The following PHF21A variants were observed in gnomAD, a reference collection of about 807,000 sequenced individuals.
The protein encoded by PHF21A is BHC80a.
PHF21A carries 11 observed loss-of-function variants against 82.5 expected under a neutral mutation model. The ratio of observed to expected loss-of-function variants is 0.13; its 90% confidence interval spans 0.08 to 0.22. The LOEUF is 0.22. Ranked by LOEUF, PHF21A falls within the 10% of genes least tolerant of loss-of-function variation. The probability of loss-of-function intolerance (pLI) is 1.00; values close to 1 mark genes in which losing one functional copy is unlikely to be tolerated. For synonymous variants in PHF21A, 297 were observed against 302.8 expected, an observed-to-expected ratio of 0.98 and a Z score of 0.20; for missense variants, 579 against 837.8, an observed-to-expected ratio of 0.69 and a Z score of 3.81.
chr11:46,106,266 CAA>C (rs2097151205), intron 1 of PHF21A, among the ~76,000 whole-genome samples: 1 of 151,834 alleles, frequency 6.6e-6, no homozygotes, highest in Non-Finnish European at 1.5e-5. Flanking sequence ...TTCTTTATAC[CAA>C]GTTGTCAATT....
intron 10 of PHF21A, among the ~76,000 whole-genome samples, chr11:45,953,839 T>C (rs1425048518): frequency 6.6e-6 from 1 of 151,950 alleles, no homozygotes; most frequent in Non-Finnish European, 1.5e-5. Context: ...ATGGCTAGAG[T>C]AAATATGAAT....
At chr11:46,076,247 C>T (rs988478217) in intron 6 of PHF21A, among the ~76,000 whole-genome samples, 1 of 152,132 alleles carries the variant, frequency 6.6e-6, no homozygotes, top group African/African-American at 2.4e-5. Context: ...TAACATTTCA[C>T]CGAAGTTTTT....
chr11:46,033,383 G>C (rs1465322992), intron 6 of PHF21A, among the ~76,000 whole-genome samples: 2 of 152,104 alleles, frequency 1.3e-5, no homozygotes, highest in Non-Finnish European at 2.9e-5. Context: ...TTCCACCTCA[G>C]CCTCCCAAAC....
At chr11:45,982,727 T>C (rs1243597689) in intron 6 of PHF21A, among the ~76,000 whole-genome samples, 2 of 152,104 alleles carry the variant, frequency 1.3e-5, no homozygotes, top group Non-Finnish European at 2.9e-5. Flanking sequence ...CTAGCTAACG[T>C]GCAGCATCAG....
At chr11:46,073,855 C>A (rs187284849) in intron 6 of PHF21A, among the ~76,000 whole-genome samples, 61 of 152,284 alleles carry the variant, frequency 4.0e-4, no homozygotes, top group African/African-American at 1.4e-3. Context: ...AAGAAGCTGA[C>A]TTTGAAATCT....
chr11:46,065,554 A>G (rs188485312), intron 6 of PHF21A, among the ~76,000 whole-genome samples: 1 of 152,328 alleles, frequency 6.6e-6, no homozygotes, highest in East Asian at 1.9e-4. Context: ...TTCACTTACT[A>G]TCTTAGCCAC....
chr11:46,024,196 G>C (rs1158671829), intron 6 of PHF21A, among the ~76,000 whole-genome samples: 1 of 152,070 alleles, frequency 6.6e-6, no homozygotes, highest in Non-Finnish European at 1.5e-5. Context: ...ATCACAACCT[G>C]ATCCAGGCAT....
Position 46,095,048 on chromosome 11 carries a change from T to A in PHF21A, c.-236-2825A>T, listed in dbSNP as rs574197924. 1.2e-3 allele frequency among the ~76,000 whole-genome samples: 185 copies of A among 152,324 alleles called. 1 individual carries two copies. Among genetic ancestry groups the A allele is most frequent in the Middle Eastern group, 6.8e-3 (2 of 294 alleles). ...CTTGGAAGAGGGTCCACGGCTTTAA[T>A]TGGTTTCACAATGAGGTTCACATAC... On this transcript the variant is annotated intron_variant, in intron 1 of 18. Coordinates refer to ENST00000676320, the MANE Select transcript of PHF21A (RefSeq NM_001352027.3).
At chr11:46,117,606 C>G (rs1481654754) in intron 1 of PHF21A, among the ~76,000 whole-genome samples, 3 of 152,174 alleles carry the variant, frequency 2.0e-5, no homozygotes, top group Non-Finnish European at 2.9e-5. Flanking sequence ...CACTATACCC[C>G]TTTCCAAAAT....
intron 1 of PHF21A, among the ~76,000 whole-genome samples, chr11:46,096,774 A>T (rs1259265514): frequency 6.6e-6 from 1 of 152,102 alleles, no homozygotes; most frequent in Admixed American, 6.6e-5. Flanking sequence ...GGCAATTCCC[A>T]ATGTTTATCT....
intron 18 of PHF21A, 102 bp from the exon 19 acceptor site, chr11:45,934,327 G>T: frequency 8.4e-7 from 1 of 1,183,752 alleles, no homozygotes; most frequent in African/African-American, 1.5e-5. Context: ...GGGAGAAGAA[G>T]CTCTGCTGGC....
chr11:45,945,335 T>C (rs1023017713), intron 15 of PHF21A, among the ~76,000 whole-genome samples: 2 of 152,216 alleles, frequency 1.3e-5, no homozygotes, highest in African/African-American at 4.8e-5. Flanking sequence ...TTGACAGTTT[T>C]TCCGGAACCT....
chr11:45,945,522 C>T (rs1449543584), intron 15 of PHF21A, among the ~76,000 whole-genome samples: 1 of 152,156 alleles, frequency 6.6e-6, no homozygotes, highest in Admixed American at 6.5e-5. Context: ...ATGATAGAAA[C>T]CTGCACACCT....
intron 3 of PHF21A, among the ~76,000 whole-genome samples, chr11:46,087,406 A>G (rs1469098089): frequency 1.3e-5 from 2 of 152,248 alleles, no homozygotes; most frequent in Non-Finnish European, 2.9e-5. Flanking sequence ...TCTCAGAGAT[A>G]CACAAAGGCA....
chr11:46,015,612 CT>C (rs935474360), intron 6 of PHF21A, among the ~76,000 whole-genome samples: 29 of 152,046 alleles, frequency 1.9e-4, no homozygotes, highest in Middle Eastern at 3.4e-3. Context: ...TATAAAAATA[CT>C]TTTTTTATCC....
intron 6 of PHF21A, among the ~76,000 whole-genome samples, chr11:45,994,773 C>G (rs2094844098): frequency 6.6e-6 from 1 of 152,178 alleles, no homozygotes; most frequent in African/African-American, 2.4e-5. Context: ...CTTAGCTTAC[C>G]CTTCAGATGT....
intron 1 of PHF21A, among the ~76,000 whole-genome samples, chr11:46,105,422 A>C (rs1436447142): frequency 2.0e-5 from 3 of 152,176 alleles, no homozygotes; most frequent in Non-Finnish European, 4.4e-5. Context: ...CTCAGGAAGT[A>C]GCACAACTGT....
rs199951563 is a variant in PHF21A, at chr11:45,945,941, A to G, written c.1351T>C (p.Ser451Pro). 33 of 1,613,160 alleles carry G rather than the reference A, an allele frequency of 2.0e-5. No homozygotes were observed. In the East Asian group the frequency reaches 7.4e-4, roughly 36 times the overall value. The change falls in exon 15 of 19, where the codon TCC (serine) becomes CCC (proline). Residue 451 changes from serine to proline, a missense_variant. Transcript: ENST00000676320. ...FGALTPTSPQ[S>P]SHPDSPENEK... ...TTTTCAGGGGAGTCAGGATGACTGG[A>G]TTGGGGGGATGTTGGGGTAAGGGCT...
intron 6 of PHF21A, among the ~76,000 whole-genome samples, chr11:46,014,039 G>T (rs894488317): frequency 6.6e-6 from 1 of 152,076 alleles, no homozygotes; most frequent in Admixed American, 6.5e-5. Flanking sequence ...GATTCAAGGG[G>T]TACATGTGCA....
Sources: gnomAD v4.1 joint callset for allele counts (sites outside exome capture counted in the v4.1 genomes callset) on GRCh38, gnomAD v4.1.1 for gene constraint, MANE v1.5 for transcripts, NCBI Gene and HGNC (gene_info 2026-07-23, HGNC 2026-07-21) for gene names.